Variants in FBLN2 observed in about 807,000 individuals in gnomAD.
The protein encoded by FBLN2 is fibulin-2.
Under a neutral mutation model 123.7 loss-of-function variants are expected in FBLN2, and 81 were observed. The ratio of observed to expected loss-of-function variants is 0.65; its 90% CI spans 0.55 to 0.79. FBLN2 has a LOEUF of 0.79. Ranked by LOEUF, FBLN2 falls within the 30% of genes least tolerant of loss-of-function variation. The probability of loss-of-function intolerance (pLI) is 0.00; values close to 1 mark genes in which losing one functional copy is unlikely to be tolerated. For synonymous variants in FBLN2, 699 were observed against 701.4 expected, an observed-to-expected ratio of 1.00 and a Z score of 0.05; for missense variants, 1,603 against 1,681.3, an observed-to-expected ratio of 0.95 and a Z score of 0.81.
intron 1 of FBLN2, among the ~76,000 whole-genome samples, chr3:13,553,742 C>T (rs1224923912): frequency 1.3e-5 from 2 of 152,194 alleles, no homozygotes; most frequent in Non-Finnish European, 1.5e-5. Context: ...GTATTGTAGG[C>T]GGCCAGTGCG....
chr3:13,626,702 T>G, intron 10 of FBLN2, 123 bp downstream of exon 10: 2 of 958,214 alleles, frequency 2.1e-6, no homozygotes, highest in Admixed American at 3.1e-5. Flanking sequence ...CCCCTCTCCA[T>G]CCCCTCCTTT....
At chr3:13,628,876 C>A in intron 11 of FBLN2, 29 bp from the exon 12 acceptor site, 1 of 1,604,380 alleles carries the variant, frequency 6.2e-7, no homozygotes, top group Non-Finnish European at 8.5e-7. Context: ...CCATGCCGGG[C>A]TCCCTGTCAC....
chr3:13,584,580 G>C (rs910142922), intron 2 of FBLN2, among the ~76,000 whole-genome samples: 4 of 152,240 alleles, frequency 2.6e-5, no homozygotes, highest in Non-Finnish European at 4.4e-5. Flanking sequence ...GAGGCTCCAG[G>C]GAGTAGCCGT....
Position 13,608,386 on chromosome 3 carries a change from C to T in FBLN2, c.1418+213C>T, listed in dbSNP as rs372561813. Among the ~76,000 whole-genome samples the T allele has an allele frequency of 5.9e-5, 9 of 152,372 alleles. No individual in the cohort carries two copies. The East Asian group carries it at 1.3e-3, about 23-fold the overall frequency. ...AGACTGGTCCTAGGAACAAACCAGC[C>T]ACATAAATTGGTAGCTGGCCTAGTG... is the stretch of plus-strand genomic sequence containing the variant. On this transcript the variant is annotated intron_variant, in intron 3 of 17. Coordinates refer to ENST00000404922, the MANE Select transcript of FBLN2 (RefSeq NM_001004019.2).
intron 5 of FBLN2, among the ~76,000 whole-genome samples, chr3:13,614,901 T>TCCATCC (rs1705540875): frequency 7.2e-6 from 1 of 139,594 alleles, no homozygotes. Flanking sequence ...TCTATTCATC[T>TCCATCC]ATCCATCCAT....
chr3:13,570,401 C>G lies in FBLN2; in HGVS notation c.46C>G (p.Leu16Val). The stretch of plus-strand genomic sequence containing the variant: ...TGCAGGAGCCTGGCTTGCTCTGGGC[C>G]TGGCCCTGGCCCTGGGCCCCAGCGT... ...EPAGAWLALG[L>V]ALALGPSVAA... Residue 16 changes from leucine (L) to valine (V), a missense_variant, in exon 2 of 18, where the codon CTG (leucine) becomes GTG (valine). By Grantham distance (32) the Leu-to-Val change is conservative. Transcript: ENST00000404922. 1.3e-6 allele frequency: 2 copies of G among 1,578,086 alleles called. No homozygotes were observed. The highest frequency in any genetic ancestry group is 1.7e-6 in the Non-Finnish European group (2 of 1,163,082).
intron 1 of FBLN2, among the ~76,000 whole-genome samples, chr3:13,564,240 G>A (rs970138668): frequency 6.6e-6 from 1 of 152,060 alleles, no homozygotes; most frequent in Non-Finnish European, 1.5e-5. Flanking sequence ...CACAGCCAGC[G>A]GGCCAGGTGG....
At chr3:13,629,706 C>T in intron 13 of FBLN2, 114 bp from the exon 14 acceptor site, 1 of 1,394,438 alleles carries the variant, frequency 7.2e-7, no homozygotes, top group Non-Finnish European at 9.6e-7. Flanking sequence ...CCCTGTCTTT[C>T]CTTCTGGGTC....
intron 1 of FBLN2, among the ~76,000 whole-genome samples, chr3:13,559,954 T>G (rs1408378845): frequency 6.6e-6 from 1 of 151,768 alleles, no homozygotes; most frequent in Non-Finnish European, 1.5e-5. Context: ...GAGCGCCAGG[T>G]GGGGAGGGTG....
At chr3:13,556,956 T>C (rs899456419) in intron 1 of FBLN2, among the ~76,000 whole-genome samples, 2 of 152,254 alleles carry the variant, frequency 1.3e-5, no homozygotes, top group African/African-American at 2.4e-5. Flanking sequence ...CATCTTTCTT[T>C]TGTCTCTGCC....
chr3:13,618,109 T>C lies in FBLN2; in HGVS notation c.1763T>C (p.Leu588Pro). 1 of 1,613,454 alleles carries C rather than the reference T, an allele frequency of 6.2e-7. No individual in the cohort carries two copies. Reference protein sequence around the residue: ...SEAEMAGREALSLGTEAELPN... With the variant: ...SEAEMAGREAPSLGTEAELPN... The stretch of plus-strand genomic sequence containing the variant: ...GCAGAGATGGCGGGCCGAGAGGCCC[T>C]GTCACTGGGCACAGAGGCCGAGCTG... Residue 588 changes from leucine (L) to proline (P), a missense_variant, in exon 6 of 18, where the codon CTG becomes CCG. Coordinates refer to ENST00000404922, the MANE Select transcript of FBLN2 (RefSeq NM_001004019.2).
chr3:13,589,429 G>C (rs762695329), intron 2 of FBLN2, among the ~76,000 whole-genome samples: 1 of 152,026 alleles, frequency 6.6e-6, no homozygotes, highest in South Asian at 2.1e-4. Context: ...AGCCCCCTTT[G>C]GTAACTGTGA....
Position 13,609,557 on chromosome 3 carries a change from G to T in FBLN2, c.1463G>T (p.Ser488Ile). The change falls in exon 4 of 18, where the codon AGC becomes ATC. Residue 488 changes from serine to isoleucine, a missense_variant. Ser to Ile is a moderately radical substitution (Grantham distance 142). Coordinates refer to ENST00000404922, the MANE Select transcript of FBLN2 (RefSeq NM_001004019.2). ...TGTGTCTCCTACTTGCAGGAGAAGAGCTGCATGGCCGGCGTCCTGGGAGCC... is the reference window on the plus strand; with the variant it reads ...TGTGTCTCCTACTTGCAGGAGAAGATCTGCATGGCCGGCGTCCTGGGAGCC... Reference protein sequence around the residue: ...HCCVSYLQEKSCMAGVLGAKE... With the variant: ...HCCVSYLQEKICMAGVLGAKE... 6.4e-7 allele frequency: 1 copy of T among 1,553,882 alleles called. No homozygotes were observed. The highest frequency in any genetic ancestry group is 1.2e-5 in the South Asian group (1 of 84,078).
chr3:13,587,154 A>AT (rs200195352), intron 2 of FBLN2, among the ~76,000 whole-genome samples: 8,939 of 149,900 alleles, frequency 0.06, 334 homozygotes, highest in South Asian at 0.077. Flanking sequence ...CAAAAAAAAA[A>AT]AAAAAAATAA....
Position 13,631,402 on chromosome 3 carries a change from G to A in FBLN2, c.3159G>A (p.Gln1053=), listed in dbSNP as rs1706252187. The change falls in exon 16 of 18, where the codon CAG becomes CAA. Residue 1053 remains glutamine, a synonymous_variant. Coordinates refer to ENST00000404922, the MANE Select transcript of FBLN2 (RefSeq NM_001004019.2). ...GTCTCAACGTGCCAGGGAGCTACCAGTGTGCATGCCCTGAGCAGGGCTACA... is the reference window on the plus strand; with the variant it reads ...GTCTCAACGTGCCAGGGAGCTACCAATGTGCATGCCCTGAGCAGGGCTACA... The part of the protein sequence containing the change: ...FRCLNVPGSY[Q]CACPEQGYTM... 1 of 1,601,992 alleles carries A rather than the reference G, an allele frequency of 6.2e-7. No individual in the cohort carries two copies. The highest frequency in any genetic ancestry group is 8.5e-7 in the Non-Finnish European group (1 of 1,174,596).
At chr3:13,623,611 A>G (rs1183832600) in intron 9 of FBLN2, among the ~76,000 whole-genome samples, 1 of 152,170 alleles carries the variant, frequency 6.6e-6, no homozygotes, top group African/African-American at 2.4e-5. Flanking sequence ...TTTGCTCTGC[A>G]CTTGTTTATT....
At chr3:13,610,970 C>A (rs1045356273) in intron 4 of FBLN2, among the ~76,000 whole-genome samples, 13 of 151,674 alleles carry the variant, frequency 8.6e-5, no homozygotes, top group Admixed American at 5.3e-4. Context: ...TGCAGTGGTA[C>A]GATCTCGTCT....
intron 2 of FBLN2, among the ~76,000 whole-genome samples, chr3:13,586,474 C>T (rs1017498748): frequency 3.4e-5 from 5 of 148,230 alleles, no homozygotes; most frequent in Non-Finnish European, 5.9e-5. Context: ...TGAGCCACCA[C>T]GCCTGGCGTA....
chr3:13,578,905 AT>A (rs554213430), intron 2 of FBLN2, among the ~76,000 whole-genome samples: 52 of 152,102 alleles, frequency 3.4e-4, no homozygotes, highest in African/African-American at 1.2e-3. Context: ...AAATAAAAAA[AT>A]TAGCCGGGTG....
Sources: gnomAD v4.1 joint callset for allele counts (sites outside exome capture counted in the v4.1 genomes callset) on GRCh38, gnomAD v4.1.1 for gene constraint, MANE v1.5 for transcripts, NCBI Gene and HGNC (gene_info 2026-07-23, HGNC 2026-07-21) for gene names.